SHLD2: variants seen among roughly 807,000 people sequenced by gnomAD.
The protein encoded by SHLD2 is RINN1-REV7-interacting novel NHEJ regulator 2.
In SHLD2, 30 loss-of-function variants were observed where a neutral mutation model predicts 73.2. The observed-to-expected ratio is 0.41, with a 90% CI of 0.31 to 0.56. SHLD2 has a LOEUF of 0.56. SHLD2 is among the 20% of genes least tolerant of loss of function. The pLI is 0.28. For missense variants in SHLD2, 745 were observed against 1,055.9 expected (o/e 0.71, Z 4.08); for synonymous variants, 285 against 370.1 (o/e 0.77, Z 2.64).
intron 2 of SHLD2, among the ~76,000 whole-genome samples, chr10:87,130,043 G>A (rs934689054): frequency 8.6e-5 from 13 of 151,350 alleles, no homozygotes; most frequent in African/African-American, 2.7e-4. Context: ...ACAGTTGTCC[G>A]TGTTTCCTCC....
chr10:87,126,783 A>C (rs1844043350), intron 2 of SHLD2, among the ~76,000 whole-genome samples: 1 of 152,222 alleles, frequency 6.6e-6, no homozygotes, highest in African/African-American at 2.4e-5. Flanking sequence ...GCTAAGATAA[A>C]GGAAGACATT....
intron 2 of SHLD2, among the ~76,000 whole-genome samples, chr10:87,130,084 GT>G (rs1844319283): frequency 6.6e-6 from 1 of 150,848 alleles, no homozygotes; most frequent in Non-Finnish European, 1.5e-5. Context: ...GTTTTCCTTT[GT>G]TTTCTTTTTG....
intron 9 of SHLD2, 113 bp downstream of exon 9, chr10:87,187,313 C>T: frequency 1.4e-6 from 1 of 715,766 alleles, no homozygotes; most frequent in Non-Finnish European, 2.5e-6. Flanking sequence ...CATATGAAAA[C>T]CGAAGGATAA....
intron 2 of SHLD2, among the ~76,000 whole-genome samples, chr10:87,133,660 A>G (rs1225662004): frequency 6.6e-6 from 1 of 152,234 alleles, no homozygotes; most frequent in Non-Finnish European, 1.5e-5. Context: ...GGAAGCACGA[A>G]GTGTACACAG....
At chr10:87,105,667 T>A (rs1842549132) in intron 2 of SHLD2, among the ~76,000 whole-genome samples, 1 of 152,258 alleles carries the variant, frequency 6.6e-6, no homozygotes, top group Non-Finnish European at 1.5e-5. Context: ...TCTGCTCTTC[T>A]CTCTGTTACA....
intron 2 of SHLD2, among the ~76,000 whole-genome samples, chr10:87,112,347 A>G: frequency 6.6e-6 from 1 of 152,188 alleles, no homozygotes; most frequent in Admixed American, 6.5e-5. Flanking sequence ...TGAAATCATT[A>G]TTCATTAGGG....
chr10:87,175,102 G>A (rs1341297746), intron 6 of SHLD2, among the ~76,000 whole-genome samples: 5 of 128,124 alleles, frequency 3.9e-5, no homozygotes, highest in Non-Finnish European at 7.9e-5. Context: ...GGGCAACAGA[G>A]CGAGACTCCA....
intron 7 of SHLD2, among the ~76,000 whole-genome samples, chr10:87,176,342 G>T (rs556183903): frequency 6.6e-6 from 1 of 152,148 alleles, no homozygotes; most frequent in South Asian, 2.1e-4. Context: ...CAGAGACAGA[G>T]TCTCCCTATG....
rs1846045780 is a variant in SHLD2 at position 87,151,980 on chromosome 10, A to G, written c.626A>G (p.Gln209Arg). The change falls in exon 3 of 10, where the codon CAG becomes CGG. Residue 209 changes from glutamine to arginine, a missense_variant. By Grantham distance (43) the Gln-to-Arg change is conservative. Transcript: ENST00000298786. ...VPTEYHEIQN[Q>R]CLGLFSSNAV... ...ACAGAATATCATGAAATACAAAACC[A>G]GTGTTTGGGATTATTTTCCTCGAAC... The G allele has an allele frequency of 1.2e-6, 2 of 1,611,940 alleles. No individual in the cohort carries two copies. Among genetic ancestry groups the G allele is most frequent in the East Asian group, 4.5e-5 (2 of 44,866 alleles).
intron 2 of SHLD2, among the ~76,000 whole-genome samples, chr10:87,100,643 A>T (rs1448981919): frequency 6.6e-6 from 1 of 151,856 alleles, no homozygotes; most frequent in East Asian, 1.9e-4. Context: ...ACGCCCAGCT[A>T]ATTTTTGTAT....
chr10:87,174,785 T>C (rs1354640474), intron 6 of SHLD2, among the ~76,000 whole-genome samples: 1 of 152,184 alleles, frequency 6.6e-6, no homozygotes, highest in Admixed American at 6.5e-5. Flanking sequence ...TAATAGAGAA[T>C]ATAACAGTAA....
chr10:87,132,036 T>A (rs956505571), intron 2 of SHLD2, among the ~76,000 whole-genome samples: 2 of 152,258 alleles, frequency 1.3e-5, no homozygotes, highest in Admixed American at 6.5e-5. Flanking sequence ...TCTGTTTAAG[T>A]CCTTTGCCCA....
intron 2 of SHLD2, among the ~76,000 whole-genome samples, chr10:87,139,211 A>G (rs1438418300): frequency 6.6e-6 from 1 of 151,798 alleles, no homozygotes; most frequent in Non-Finnish European, 1.5e-5. Context: ...AGAGTCTTCA[A>G]AGTGGGGTTA....
At chr10:87,171,063 G>T (rs1057276261) in intron 6 of SHLD2, 89 bp downstream of exon 6, 1 of 656,398 alleles carries the variant, frequency 1.5e-6, no homozygotes, top group Non-Finnish European at 2.7e-6. Context: ...CTTAAGAGAC[G>T]AGACAGCATT....
chr10:87,168,472 A>G (rs1847357862), intron 4 of SHLD2, among the ~76,000 whole-genome samples: 1 of 151,452 alleles, frequency 6.6e-6, no homozygotes, highest in African/African-American at 2.4e-5. Context: ...GGTGGTGCAC[A>G]CCTGTGGCCC....
chr10:87,139,393 T>G (rs1007863091), intron 2 of SHLD2, among the ~76,000 whole-genome samples: 5 of 151,410 alleles, frequency 3.3e-5, no homozygotes, highest in African/African-American at 1.2e-4. Context: ...AATAATATAT[T>G]AATGAAAGAT....
chr10:87,147,666 T>G (rs1845718254), intron 2 of SHLD2, among the ~76,000 whole-genome samples: 1 of 150,890 alleles, frequency 6.6e-6, no homozygotes, highest in African/African-American at 2.4e-5. Flanking sequence ...TATTTTGGGG[T>G]GGGGAATGAC....
upstream of SHLD2, chr10:87,094,678 C>T: frequency 6.6e-7 from 1 of 1,515,660 alleles, no homozygotes. The surrounding 1 kb of genome is among the most constrained non-coding windows in gnomAD (Gnocchi z 6.6). Context: ...CCGGGCCCAG[C>T]CCAGCAACGC....
intron 2 of SHLD2, among the ~76,000 whole-genome samples, chr10:87,147,921 G>GA (rs1331128988): frequency 6.6e-6 from 1 of 150,598 alleles, no homozygotes; most frequent in Non-Finnish European, 1.5e-5. Context: ...GCAGTGGTGT[G>GA]ATCTCAGCTC....
Sources: allele counts gnomAD v4.1 joint callset (sites outside exome capture counted in the v4.1 genomes callset), GRCh38; gene constraint gnomAD v4.1.1; non-coding constraint Gnocchi (gnomAD v3.1); transcripts MANE v1.5; gene names NCBI Gene and HGNC (gene_info 2026-07-23, HGNC 2026-07-21).